Variants in ALG11 observed in about 807,000 individuals in gnomAD.
ALG11 encodes the protein GDP-Man:Man(3)GlcNAc(2)-PP-Dol alpha-1,2-mannosyltransferase.
Under a neutral mutation model 38.8 loss-of-function variants are expected in ALG11, and 26 were observed. The observed-to-expected ratio is 0.67, with a 90% CI of 0.49 to 0.93. The LOEUF is 0.93. Ranked by LOEUF, ALG11 falls within the 40% of genes least tolerant of loss-of-function variation. The probability of loss-of-function intolerance (pLI) is 0.00; values close to 1 mark genes in which losing one functional copy is unlikely to be tolerated. For synonymous variants in ALG11, 199 were observed against 211.6 expected (o/e 0.94, Z 0.52); for missense variants, 535 against 578.8 (o/e 0.92, Z 0.78).
chr13:52,031,749 C>T lies in ALG11; in HGVS notation c.*3159C>T, dbSNP rs2140855114. The T allele has an allele frequency of 6.0e-6, 1 of 167,332 alleles. No homozygotes were observed. Among genetic ancestry groups the T allele is most frequent in the Middle Eastern group, 3.4e-3 (1 of 298 alleles). 10.4% of individuals were successfully genotyped at this position (167,332 alleles called of 1,614,324 possible). A position where few individuals can be genotyped will look rare whatever the true frequency, so the allele number is the denominator to read the frequency against. On this transcript the variant is annotated 3_prime_UTR_variant, in exon 4 of 4. Coordinates refer to ENST00000521508, the MANE Select transcript of ALG11 (RefSeq NM_001004127.3). ...AAGAGCGCTGGGCAAGCAGTTAGCA[C>T]ATCTGGGCCTACCTTCAGCTTCTTC...
Position 52,028,726 on chromosome 13 carries a change from AAG to A in ALG11, c.*137_*138del. On this transcript the variant is annotated 3_prime_UTR_variant, in exon 4 of 4. Transcript: ENST00000521508. ...CAGACAAAATTTCCTTTTAGAATAA[AAG>A]GAAGTGTTGAAAAGAAAATGGATGA... 6.2e-7 allele frequency: 1 copy of A among 1,600,278 alleles called. No homozygotes were observed. The highest frequency in any genetic ancestry group is 8.5e-7 in the Non-Finnish European group (1 of 1,169,882).
In ALG11 at chr13:52,033,339, G is replaced by A. The variant is rs567337829; in HGVS notation, c.*4749G>A. 1.1e-4 allele frequency: 19 copies of A among 166,978 alleles called. No homozygotes were observed. The highest frequency in any genetic ancestry group is 2.1e-4 in the Non-Finnish European group (14 of 68,108). The allele number at this position is 166,978 out of a possible 1,614,324, so 10.3% of individuals were successfully genotyped here. On this transcript the variant is annotated 3_prime_UTR_variant, in exon 4 of 4. Transcript: ENST00000521508. ...TACAGTTGTGTACTATAAAGTGTGT[G>A]TTACATAGGTTTTGTGTAATAATTA...
intron 1 of ALG11, among the ~76,000 whole-genome samples, chr13:52,014,591 G>T (rs769881750): frequency 9.2e-5 from 14 of 151,502 alleles, no homozygotes; most frequent in Non-Finnish European, 1.6e-4. Flanking sequence ...CTGGAGTGCA[G>T]TGGCATGATC....
At position 52,029,761 on chromosome 13, in the gene ALG11, C is replaced by T. The variant is rs746794440; in HGVS notation, c.*1171C>T. 24 of 1,614,148 alleles carry T rather than the reference C, an allele frequency of 1.5e-5. No individual in the cohort carries two copies. The East Asian group carries it at 5.1e-4, about 34-fold the overall frequency. ...TGGCCAAATATGACCTGGAGGCTCG[C>T]CAAGCTATGCAGGAACAGTTGGCCA... is the stretch of plus-strand genomic sequence containing the variant. On this transcript the variant is annotated 3_prime_UTR_variant, in exon 4 of 4. Transcript: ENST00000521508.
intron 1 of ALG11, chr13:52,016,365 A>C (rs1954134373): frequency 6.6e-6 from 1 of 152,256 alleles, no homozygotes; most frequent in African/African-American, 2.4e-5. Context: ...GAAATTTTCA[A>C]AAGTAGCAAG....
chr13:52,024,546 G>T lies in ALG11; in HGVS notation c.816G>T (p.Gly272=). ...ATATTCTCTCACTATGGAAAGTTGG[G>T]AATTGCACTAACATTGTTTATCCAC... ...LNHILSLWKV[G]NCTNIVYPPC... The change falls in exon 3 of 4, where the codon GGG becomes GGT. Residue 272 remains glycine (G), a synonymous_variant. Coordinates refer to ENST00000521508, the MANE Select transcript of ALG11 (RefSeq NM_001004127.3). The T allele has an allele frequency of 6.2e-7, 1 of 1,614,194 alleles. No individual in the cohort carries two copies. The highest frequency in any genetic ancestry group is 1.1e-5 in the South Asian group (1 of 91,078).
At position 52,029,544 on chromosome 13, in the gene ALG11, A is replaced by G. The variant is rs750959888; in HGVS notation, c.*954A>G. The G allele has an allele frequency of 6.2e-7, 1 of 1,614,220 alleles. No individual in the cohort carries two copies. Among genetic ancestry groups the G allele is most frequent in the Non-Finnish European group, 8.5e-7 (1 of 1,180,042 alleles). ...AAGGCTCGAAAAGAGAAGAAAATCA[A>G]AAGTAAAAAGTATCACAAAGTCGTG... On this transcript the variant is annotated 3_prime_UTR_variant, in exon 4 of 4. Coordinates refer to ENST00000521508, the MANE Select transcript of ALG11 (RefSeq NM_001004127.3).
chr13:52,019,079 T>C lies in ALG11; in HGVS notation c.211T>C (p.Tyr71His). Residue 71 changes from tyrosine to histidine, a missense_variant, in exon 2 of 4, where the codon TAC becomes CAC. Transcript: ENST00000521508. ...AATGGTGATTGCATTTTTTCATCCA[T>C]ACTGCAATGCTGGTGGAGGAGGAGA... ...NQMVIAFFHP[Y>H]CNAGGGGERV... The C allele has an allele frequency of 6.2e-7, 1 of 1,614,128 alleles. No individual in the cohort carries two copies. Among genetic ancestry groups the C allele is most frequent in the Non-Finnish European group, 8.5e-7 (1 of 1,180,002 alleles).
In ALG11 at chr13:52,024,598, A is replaced by G. The variant is rs1021454171; in HGVS notation, c.868A>G (p.Ile290Val). 6.2e-7 allele frequency: 1 copy of G among 1,613,876 alleles called. No homozygotes were observed. Among genetic ancestry groups the G allele is most frequent in the African/African-American group, 1.3e-5 (1 of 74,946 alleles). ...TTGTGATGTGCAGACATTTCTGGAC[A>G]TTCCCTTACATGAGAAAAAGATGAC... Reference protein sequence around the residue: ...PPCDVQTFLDIPLHEKKMTPG... With the variant: ...PPCDVQTFLDVPLHEKKMTPG... Residue 290 changes from isoleucine (I) to valine (V), a missense_variant, in exon 3 of 4, where the codon ATT becomes GTT. Physicochemically the swap from Ile to Val is conservative, Grantham distance 29 (BLOSUM62 3). Transcript: ENST00000521508.
In ALG11 at chr13:52,031,224, C is replaced by A; in HGVS notation, c.*2634C>A. ...CAGCACATTGCATGTAGTTGAGCCA[C>A]ATTTTTTAAAAAAAGAAAATGGATG... On this transcript the variant is annotated 3_prime_UTR_variant, in exon 4 of 4. Coordinates refer to ENST00000521508, the MANE Select transcript of ALG11 (RefSeq NM_001004127.3). 38 of 1,435,616 alleles carry A rather than the reference C, an allele frequency of 2.6e-5. No homozygotes were observed. Among genetic ancestry groups the A allele is most frequent in the Non-Finnish European group, 3.4e-5 (37 of 1,076,706 alleles). The allele number at this position is 1,435,616 out of a possible 1,614,324, so 88.9% of individuals were successfully genotyped here.
chr13:52,029,421 T>C lies in ALG11; in HGVS notation c.*831T>C. The C allele has an allele frequency of 3.7e-6, 6 of 1,613,936 alleles. No individual in the cohort carries two copies. The highest frequency in any genetic ancestry group is 5.1e-6 in the Non-Finnish European group (6 of 1,179,992). On this transcript the variant is annotated 3_prime_UTR_variant, in exon 4 of 4. Transcript: ENST00000521508. ...GTGACAGATCCTTTACTGACTCCCA[T>C]GGAAAAGGCCTCTCTCCAAGCCATG...
rs751127304 is a variant in ALG11, at chr13:52,023,974, A to G, written c.276-32A>G. On this transcript the variant is annotated intron_variant, in intron 2 of 3. Transcript: ENST00000521508. ...CGTGTCTGGCTAATTTTTGTAACTT[A>G]ATATATTCTTAACCATTACATTCTA... The G allele has an allele frequency of 9.3e-6, 15 of 1,604,708 alleles. No homozygotes were observed. In the Admixed American group the frequency reaches 1.0e-4, roughly 11 times the overall value.
chr13:52,014,240 G>A (rs1954116109), intron 1 of ALG11, among the ~76,000 whole-genome samples: 1 of 152,166 alleles, frequency 6.6e-6, no homozygotes, highest in Admixed American at 6.5e-5. Context: ...CTGGTTTCAC[G>A]TTAAGCCAGA....
intron 3 of ALG11, 103 bp from the exon 4 acceptor site, chr13:52,028,216 T>C: frequency 7.5e-7 from 1 of 1,340,518 alleles, no homozygotes. Context: ...TAATTAAGTT[T>C]CTCATAAGTC....
chr13:52,032,412 A>G lies in ALG11; in HGVS notation c.*3822A>G, dbSNP rs984235788. 2.4e-5 allele frequency: 4 copies of G among 167,108 alleles called. No individual in the cohort carries two copies. The highest frequency in any genetic ancestry group is 5.9e-5 in the Non-Finnish European group (4 of 68,128). 10.4% of individuals were successfully genotyped at this position (167,108 alleles called of 1,614,324 possible). A position where few individuals can be genotyped will look rare whatever the true frequency, so the allele number is the denominator to read the frequency against. On this transcript the variant is annotated 3_prime_UTR_variant, in exon 4 of 4. Coordinates refer to ENST00000521508, the MANE Select transcript of ALG11 (RefSeq NM_001004127.3). ...CTGAATAACTAGCATGGAAAAGTGAATATATGTGTGAGCAGATATGGCTAT... is the reference window on the plus strand; with the variant it reads ...CTGAATAACTAGCATGGAAAAGTGAGTATATGTGTGAGCAGATATGGCTAT...
chr13:52,029,395 A>C lies in ALG11; in HGVS notation c.*805A>C, dbSNP rs1236505190. 1 of 1,614,040 alleles carries C rather than the reference A, an allele frequency of 6.2e-7. No individual in the cohort carries two copies. The highest frequency in any genetic ancestry group is 8.5e-7 in the Non-Finnish European group (1 of 1,180,050). On this transcript the variant is annotated 3_prime_UTR_variant, in exon 4 of 4. Transcript: ENST00000521508. ...ACCTCCTCCATAAGAACAAGCAGCCAGTGACAGATCCTTTACTGACTCCCA... is the reference window on the plus strand; with the variant it reads ...ACCTCCTCCATAAGAACAAGCAGCCCGTGACAGATCCTTTACTGACTCCCA...
At chr13:52,012,570 C>A (rs56162767) in intron 1 of ALG11, 108 bp downstream of exon 1, 1 of 1,466,912 alleles carries the variant, frequency 6.8e-7, no homozygotes, top group Non-Finnish European at 9.4e-7. Flanking sequence ...TGTCATGAAT[C>A]TAAGGTAATT....
rs1419971303 is a variant in ALG11, at chr13:52,033,434, A to C, written c.*4844A>C. The C allele has an allele frequency of 6.0e-6, 1 of 167,118 alleles. No homozygotes were observed. Among genetic ancestry groups the C allele is most frequent in the African/African-American group, 2.4e-5 (1 of 41,468 alleles). 10.4% of individuals were successfully genotyped at this position (167,118 alleles called of 1,614,324 possible). A position where few individuals can be genotyped will look rare whatever the true frequency, so the allele number is the denominator to read the frequency against. ...TAATATAGATACAAAGTCTGTGTCT[A>C]AATATTATTTAAAGAAGTGATTTTT... On this transcript the variant is annotated 3_prime_UTR_variant, in exon 4 of 4. Coordinates refer to ENST00000521508, the MANE Select transcript of ALG11 (RefSeq NM_001004127.3).
rs1165054343 is a variant in ALG11 at position 52,030,808 on chromosome 13, C to G, written c.*2218C>G. On this transcript the variant is annotated 3_prime_UTR_variant, in exon 4 of 4. Coordinates refer to ENST00000521508, the MANE Select transcript of ALG11 (RefSeq NM_001004127.3). ...ATAAGAATTTGCCAAATGTGATTAT[C>G]AGTGAGAAGCGCAACATCCACGCAG... is the stretch of plus-strand genomic sequence containing the variant. 1.2e-6 allele frequency: 2 copies of G among 1,614,068 alleles called. No individual in the cohort carries two copies. Among genetic ancestry groups the G allele is most frequent in the East Asian group, 2.2e-5 (1 of 44,892 alleles).
Sources: gnomAD v4.1 joint callset for allele counts (sites outside exome capture counted in the v4.1 genomes callset) on GRCh38, gnomAD v4.1.1 for gene constraint, MANE v1.5 for transcripts, NCBI Gene and HGNC (gene_info 2026-07-23, HGNC 2026-07-21) for gene names.